Variants in NOL4 observed in about 807,000 individuals in gnomAD.
The protein encoded by NOL4 is nucleolar protein 4.
A neutral mutation model predicts 75.9 loss-of-function variants in NOL4; 17 were observed. The observed-to-expected ratio is 0.22, with a 90% CI of 0.15 to 0.34. The LOEUF (loss-of-function observed/expected upper bound fraction) is 0.34. Among genes scored for constraint, NOL4 ranks in the 10% least tolerant of loss-of-function variants. The pLI, the probability that NOL4 is intolerant of heterozygous loss-of-function variation, is 1.00. For missense variants in NOL4, 614 were observed against 793.5 expected, an observed-to-expected ratio of 0.77 and a Z score of 2.72; for synonymous variants, 292 against 289.9, an observed-to-expected ratio of 1.01 and a Z score of -0.07.
chr18:33,949,048 A>G (rs58530640), intron 8 of NOL4, among the ~76,000 whole-genome samples: 258 of 152,214 alleles, frequency 1.7e-3, no homozygotes, highest in African/African-American at 5.9e-3. Flanking sequence ...AATTTCTGTG[A>G]ATATGCATAT....
At chr18:34,087,661 C>T (rs1049499009) in intron 5 of NOL4, among the ~76,000 whole-genome samples, 2 of 151,946 alleles carry the variant, frequency 1.3e-5, no homozygotes, top group African/African-American at 4.8e-5. Context: ...AAATATTGGA[C>T]CTCACATCAT....
At chr18:33,942,047 C>T (rs893027386) in intron 9 of NOL4, among the ~76,000 whole-genome samples, 1 of 151,930 alleles carries the variant, frequency 6.6e-6, no homozygotes, top group Non-Finnish European at 1.5e-5. Context: ...TAGCACATGA[C>T]ATTTTAATAA....
intron 10 of NOL4, among the ~76,000 whole-genome samples, chr18:33,858,050 CTCAAGAGGCAAGG>C (rs2062917346): frequency 6.6e-6 from 1 of 152,046 alleles, no homozygotes; most frequent in African/African-American, 2.4e-5. Flanking sequence ...ACCATCTCAA[CTCAAGAGGCAAGG>C]AAAACTACTT....
At chr18:33,993,133 A>G (rs561487764) in intron 6 of NOL4, among the ~76,000 whole-genome samples, 1 of 152,112 alleles carries the variant, frequency 6.6e-6, no homozygotes, top group South Asian at 2.1e-4. Context: ...TCAAACACTG[A>G]CATTGGTAAC....
At chr18:33,864,207 C>T (rs1343990411) in intron 10 of NOL4, among the ~76,000 whole-genome samples, 1 of 152,106 alleles carries the variant, frequency 6.6e-6, no homozygotes, top group East Asian at 1.9e-4. Context: ...AGACATTTTC[C>T]CCTTTGTCTT....
At chr18:33,940,842 G>A (rs2068430772) in intron 9 of NOL4, among the ~76,000 whole-genome samples, 1 of 151,952 alleles carries the variant, frequency 6.6e-6, no homozygotes, top group Non-Finnish European at 1.5e-5. Flanking sequence ...AGAATATGGA[G>A]AGTAGGGCCA....
At chr18:33,908,151 C>T (rs918570434) in intron 9 of NOL4, among the ~76,000 whole-genome samples, 1 of 152,160 alleles carries the variant, frequency 6.6e-6, no homozygotes, top group Admixed American at 6.5e-5. Flanking sequence ...GCATTTTTCA[C>T]AGGAGTCAGT....
At chr18:34,029,581 C>A (rs2144631909) in intron 5 of NOL4, among the ~76,000 whole-genome samples, 1 of 152,254 alleles carries the variant, frequency 6.6e-6, no homozygotes, top group African/African-American at 2.4e-5. Flanking sequence ...AATCTGTGGC[C>A]TTTTCTCTCC....
intron 8 of NOL4, among the ~76,000 whole-genome samples, chr18:33,947,565 ATC>A (rs1044029064): frequency 7.9e-5 from 12 of 151,764 alleles, no homozygotes; most frequent in Admixed American, 6.6e-4. Flanking sequence ...TTTGATATCT[ATC>A]TCTCTCTTTC....
intron 9 of NOL4, among the ~76,000 whole-genome samples, chr18:33,915,004 T>C (rs987099195): frequency 6.6e-6 from 1 of 152,026 alleles, no homozygotes; most frequent in African/African-American, 2.4e-5. Context: ...AGGAGCACTC[T>C]AAATTTTAGA....
At chr18:33,863,212 A>T (rs1009007738) in intron 10 of NOL4, among the ~76,000 whole-genome samples, 1 of 151,606 alleles carries the variant, frequency 6.6e-6, no homozygotes, top group East Asian at 2.0e-4. Context: ...ATAGGTGGGA[A>T]TTGAACAATG....
chr18:34,159,120 C>T (rs1430820684), intron 1 of NOL4, among the ~76,000 whole-genome samples: 42 of 152,116 alleles, frequency 2.8e-4, no homozygotes. Context: ...GGTGAGGTTG[C>T]CCTGGCGGTG....
At chr18:34,134,447 GACACACACACACACAC>G (rs199707766) in intron 1 of NOL4, among the ~76,000 whole-genome samples, 10 of 134,242 alleles carry the variant, frequency 7.4e-5, no homozygotes, top group Middle Eastern at 3.7e-3. Flanking sequence ...GACTCCAAGT[GACACACACACACACAC>G]ACACACACAC....
At chr18:33,922,663 G>A (rs2067109539) in intron 9 of NOL4, among the ~76,000 whole-genome samples, 1 of 152,042 alleles carries the variant, frequency 6.6e-6, no homozygotes, top group Non-Finnish European at 1.5e-5. Context: ...TATTACATAT[G>A]GATTTAGATT....
chr18:33,868,043 CT>C (rs376575722), intron 10 of NOL4, among the ~76,000 whole-genome samples: 22,588 of 143,868 alleles, frequency 0.16, 1,757 homozygotes, highest in Non-Finnish European at 0.19. Flanking sequence ...GATTCTTTAT[CT>C]TTTTTTTTTT....
intron 4 of NOL4, among the ~76,000 whole-genome samples, chr18:34,094,516 T>C (rs1377499906): frequency 6.6e-6 from 1 of 152,222 alleles, no homozygotes; most frequent in African/African-American, 2.4e-5. Context: ...ATCAAAACTT[T>C]CCAAATGTTA....
At chr18:33,977,021 TAACTC>T (rs1351783656) in intron 6 of NOL4, among the ~76,000 whole-genome samples, 2 of 152,170 alleles carry the variant, frequency 1.3e-5, no homozygotes, top group African/African-American at 4.8e-5. Context: ...ATTTTAAAAA[TAACTC>T]TAATAGTAAA....
intron 6 of NOL4, among the ~76,000 whole-genome samples, chr18:34,016,065 T>C (rs1026259738): frequency 2.6e-5 from 4 of 152,080 alleles, no homozygotes; most frequent in African/African-American, 9.7e-5. Context: ...AAGGTAAATA[T>C]GCTATTCATA....
At chr18:33,969,865 C>T (rs912554046) in intron 6 of NOL4, among the ~76,000 whole-genome samples, 15 of 152,004 alleles carry the variant, frequency 9.9e-5, no homozygotes, top group South Asian at 2.1e-4. Context: ...AAATCTCTTC[C>T]GCTTAATAAT....
Sources: gnomAD v4.1 joint callset for allele counts (sites outside exome capture counted in the v4.1 genomes callset) on GRCh38, gnomAD v4.1.1 for gene constraint, MANE v1.5 for transcripts, NCBI Gene and HGNC (gene_info 2026-07-23, HGNC 2026-07-21) for gene names.